The following WDR72 variants were observed in gnomAD, a reference collection of about 807,000 sequenced individuals.
WDR72 encodes the protein WD repeat domain 72.
A neutral mutation model predicts 124.2 loss-of-function variants in WDR72; 120 were observed. The ratio of observed to expected loss-of-function variants is 0.97; its 90% CI spans 0.83 to 1.12. WDR72 has a LOEUF of 1.12. Among genes scored for constraint, WDR72 ranks in the 50% most tolerant of loss-of-function variants. WDR72 has a pLI of 0.00. For synonymous variants in WDR72, 452 were observed against 441.7 expected (o/e 1.02, Z -0.29); for missense variants, 1,387 against 1,278.8 (o/e 1.08, Z -1.29).
chr15:53,619,043 T>C lies in WDR72; in HGVS notation c.1963-2800A>G, dbSNP rs147884531. Among the ~76,000 whole-genome samples, 32 of 152,130 alleles carry C rather than the reference T, an allele frequency of 2.1e-4. No individual in the cohort carries two copies. The East Asian group carries it at 4.4e-3, about 21-fold the overall frequency. ...CCATTGAGTTCCTAATTTTGATTTT[T>C]ACATTTTTCATTGCCAGATCTTCTA... On this transcript the variant is annotated intron_variant, in intron 14 of 19. Transcript: ENST00000360509.
At chr15:53,578,043 T>G (rs1199614182) in intron 18 of WDR72, among the ~76,000 whole-genome samples, 1 of 152,150 alleles carries the variant, frequency 6.6e-6, no homozygotes, top group Non-Finnish European at 1.5e-5. Context: ...AAATTTTAAT[T>G]TTAGAAGTAT....
At chr15:53,534,352 C>G (rs1383744079) in intron 18 of WDR72, among the ~76,000 whole-genome samples, 1 of 152,086 alleles carries the variant, frequency 6.6e-6, no homozygotes, top group East Asian at 1.9e-4. Context: ...CTTTCCTAAC[C>G]TTTAGATAAC....
At chr15:53,521,032 T>A (rs1891764914) in intron 19 of WDR72, among the ~76,000 whole-genome samples, 1 of 152,038 alleles carries the variant, frequency 6.6e-6, no homozygotes, top group African/African-American at 2.4e-5. Flanking sequence ...TTGTTGTGTG[T>A]CCCTGAACTG....
chr15:53,667,693 A>G (rs190682691), intron 13 of WDR72, among the ~76,000 whole-genome samples: 1 of 152,138 alleles, frequency 6.6e-6, no homozygotes, highest in African/African-American at 2.4e-5. Context: ...CATCCTGGAT[A>G]TTTTCTTCTC....
chr15:53,631,621 A>G (rs948846151), intron 14 of WDR72, among the ~76,000 whole-genome samples: 1 of 152,208 alleles, frequency 6.6e-6, no homozygotes, highest in Non-Finnish European at 1.5e-5. Context: ...TTGTGACCAA[A>G]ATGCTGACAG....
intron 14 of WDR72, among the ~76,000 whole-genome samples, chr15:53,639,530 A>C (rs1334230367): frequency 2.0e-5 from 3 of 146,438 alleles, no homozygotes; most frequent in African/African-American, 7.4e-5. Context: ...ATTTATTTAT[A>C]AAATTATATA....
chr15:53,681,645 G>C (rs2016387790), intron 13 of WDR72, among the ~76,000 whole-genome samples: 1 of 152,190 alleles, frequency 6.6e-6, no homozygotes, highest in Admixed American at 6.5e-5. Flanking sequence ...CTTAATTGAT[G>C]AAAGTAATTT....
intron 18 of WDR72, among the ~76,000 whole-genome samples, chr15:53,567,778 A>T (rs531914503): frequency 6.6e-6 from 1 of 151,994 alleles, no homozygotes; most frequent in Non-Finnish European, 1.5e-5. Flanking sequence ...AATCTTCTGA[A>T]AACAATGAAA....
At chr15:53,540,623 AAAG>A (rs1467459304) in intron 18 of WDR72, among the ~76,000 whole-genome samples, 8 of 152,252 alleles carry the variant, frequency 5.3e-5, no homozygotes, top group East Asian at 1.9e-4. Context: ...AAAGCAGTAA[AAAG>A]AAGAACAGGA....
intron 14 of WDR72, among the ~76,000 whole-genome samples, chr15:53,653,183 T>C (rs2015301999): frequency 6.6e-6 from 1 of 152,218 alleles, no homozygotes; most frequent in Non-Finnish European, 1.5e-5. Flanking sequence ...CTATTCTTCA[T>C]GTTTTAGACT....
intron 18 of WDR72, among the ~76,000 whole-genome samples, chr15:53,540,131 A>C (rs1383654780): frequency 6.6e-6 from 1 of 152,236 alleles, no homozygotes; most frequent in Middle Eastern, 3.2e-3. Flanking sequence ...ACTTTAATAA[A>C]GCAGAGGCTA....
At chr15:53,697,956 C>T (rs905477875) in intron 13 of WDR72, among the ~76,000 whole-genome samples, 1 of 152,064 alleles carries the variant, frequency 6.6e-6, no homozygotes, top group Non-Finnish European at 1.5e-5. Flanking sequence ...CTACAGGTGC[C>T]CGCCACCATG....
chr15:53,713,206 G>C (rs1362507770), intron 6 of WDR72, among the ~76,000 whole-genome samples: 2 of 70,118 alleles, frequency 2.9e-5, no homozygotes, highest in East Asian at 3.7e-4. Context: ...AAAAAAAAAA[G>C]CTGTGATCAG....
chr15:53,552,766 T>C (rs1893788153), intron 18 of WDR72, among the ~76,000 whole-genome samples: 1 of 152,126 alleles, frequency 6.6e-6, no homozygotes, highest in Non-Finnish European at 1.5e-5. Flanking sequence ...CAGTTACACA[T>C]TTGTCTGTTA....
chr15:53,758,201 A>G (rs1446735186), intron 1 of WDR72, among the ~76,000 whole-genome samples: 2 of 152,034 alleles, frequency 1.3e-5, no homozygotes, highest in African/African-American at 2.4e-5. Context: ...AAGTTTTGCT[A>G]TGTTGCCCAG....
chr15:53,727,711 G>GA (rs1449912518), intron 2 of WDR72, among the ~76,000 whole-genome samples: 1 of 152,122 alleles, frequency 6.6e-6, no homozygotes, highest in Non-Finnish European at 1.5e-5. Flanking sequence ...CTCCTCCAGA[G>GA]AAAATCTACC....
intron 14 of WDR72, among the ~76,000 whole-genome samples, chr15:53,621,495 C>G (rs1342314624): frequency 6.9e-6 from 1 of 143,960 alleles, no homozygotes; most frequent in African/African-American, 2.7e-5. Flanking sequence ...GGAATATGAC[C>G]TGGATGAGAT....
chr15:53,690,586 G>T (rs1050638192), intron 13 of WDR72, among the ~76,000 whole-genome samples: 1 of 152,064 alleles, frequency 6.6e-6, no homozygotes, highest in South Asian at 2.1e-4. Context: ...ATGTTTTCAA[G>T]GTTCATTCAA....
intron 14 of WDR72, among the ~76,000 whole-genome samples, chr15:53,663,985 A>C (rs916710875): frequency 4.6e-5 from 7 of 151,716 alleles, no homozygotes; most frequent in Non-Finnish European, 2.9e-5. Context: ...AAAAGAAAAA[A>C]AGCTGTCACC....
Sources: allele counts gnomAD v4.1 joint callset (sites outside exome capture counted in the v4.1 genomes callset), GRCh38; gene constraint gnomAD v4.1.1; transcripts MANE v1.5; gene names NCBI Gene and HGNC (gene_info 2026-07-23, HGNC 2026-07-21).